The following COL14A1 variants were observed in gnomAD, a reference collection of about 807,000 sequenced individuals.
The protein encoded by COL14A1 is collagen alpha-1(XIV) chain.
COL14A1 carries 136 observed loss-of-function variants against 230.3 expected under a neutral mutation model. The observed-to-expected ratio is 0.59, with a 90% CI of 0.51 to 0.68. The LOEUF is 0.68. Ranked by LOEUF, COL14A1 falls within the 30% of genes least tolerant of loss-of-function variation. The pLI, the probability that COL14A1 is intolerant of heterozygous loss-of-function variation, is 0.00. For synonymous variants in COL14A1, 792 were observed against 784.1 expected, an observed-to-expected ratio of 1.01 and a Z score of -0.17; for missense variants, 1,976 against 2,215.8, an observed-to-expected ratio of 0.89 and a Z score of 2.17.
At chr8:120,350,522 A>G (rs1283496595) in intron 45 of COL14A1, among the ~76,000 whole-genome samples, 2 of 151,010 alleles carry the variant, frequency 1.3e-5, no homozygotes, top group Non-Finnish European at 2.9e-5. Flanking sequence ...CATAGGCTCA[A>G]AATAAAAGGA....
At chr8:120,163,561 C>T (rs935528957) in intron 4 of COL14A1, among the ~76,000 whole-genome samples, 4 of 152,082 alleles carry the variant, frequency 2.6e-5, no homozygotes, top group East Asian at 1.9e-4. Context: ...GTCAGGAGTT[C>T]GAGACCAGCC....
At chr8:120,216,598 T>C in intron 14 of COL14A1, 108 bp downstream of exon 14, 1 of 1,171,342 alleles carries the variant, frequency 8.5e-7, no homozygotes, top group Non-Finnish European at 1.2e-6. Flanking sequence ...ATAGTAATTA[T>C]TTATTGTCTC....
chr8:120,332,857 T>C, intron 42 of COL14A1, 122 bp downstream of exon 42: 2 of 688,958 alleles, frequency 2.9e-6, no homozygotes, highest in Non-Finnish European at 4.7e-6. Context: ...TCTATGGAAA[T>C]TCATAAAGGA....
At chr8:120,227,958 A>C (rs1040097704) in intron 17 of COL14A1, among the ~76,000 whole-genome samples, 2 of 152,210 alleles carry the variant, frequency 1.3e-5, no homozygotes, top group African/African-American at 4.8e-5. Flanking sequence ...TACGTAAAAA[A>C]CTGAGGACAG....
At chr8:120,248,387 C>A (rs549753161) in intron 21 of COL14A1, among the ~76,000 whole-genome samples, 135 of 152,134 alleles carry the variant, frequency 8.9e-4, no homozygotes, top group Admixed American at 3.9e-3. Flanking sequence ...GACCGTATGC[C>A]CCAGCACCTC....
rs180802134 is a variant in COL14A1, at chr8:120,168,871, T to C, written c.436+624T>C. 5.5e-4 allele frequency among the ~76,000 whole-genome samples: 83 copies of C among 152,264 alleles called. 1 individual carries two copies. Among genetic ancestry groups the C allele is most frequent in the Non-Finnish European group, 9.7e-4 (66 of 68,016 alleles). ...GATTAGTCCCCCCAACCCCGTTTTTTTTGAGGCAGGATCTCACTCTGTCAC... is the reference window on the plus strand; with the variant it reads ...GATTAGTCCCCCCAACCCCGTTTTTCTTGAGGCAGGATCTCACTCTGTCAC... On this transcript the variant is annotated intron_variant, in intron 5 of 47. Coordinates refer to ENST00000297848, the MANE Select transcript of COL14A1 (RefSeq NM_021110.4).
chr8:120,305,543 T>A (rs1820833608), intron 36 of COL14A1, among the ~76,000 whole-genome samples: 2 of 152,138 alleles, frequency 1.3e-5, no homozygotes, highest in Admixed American at 6.5e-5. Context: ...ATTTTAGATA[T>A]TTCTCTTTAA....
intron 18 of COL14A1, among the ~76,000 whole-genome samples, chr8:120,229,089 T>TTTTTC (rs1554611479): frequency 4.9e-4 from 68 of 137,438 alleles, no homozygotes; most frequent in South Asian, 1.2e-3. Context: ...TTTTTTTTTC[T>TTTTTC]TTTTATTTTA....
intron 26 of COL14A1, among the ~76,000 whole-genome samples, chr8:120,275,400 C>T (rs1398732466): frequency 1.3e-5 from 2 of 151,756 alleles, no homozygotes; most frequent in East Asian, 3.9e-4. Flanking sequence ...AGGAGATAAC[C>T]TGCGAAAAAC....
chr8:120,348,682 A>T (rs929302390), intron 45 of COL14A1, among the ~76,000 whole-genome samples: 1 of 152,166 alleles, frequency 6.6e-6, no homozygotes, highest in Non-Finnish European at 1.5e-5. Flanking sequence ...ATGGAAAAAA[A>T]TTTTGTTTTT....
intron 45 of COL14A1, among the ~76,000 whole-genome samples, chr8:120,356,370 T>C (rs556886099): frequency 6.6e-6 from 1 of 152,374 alleles, no homozygotes; most frequent in East Asian, 1.9e-4. Flanking sequence ...CAGATATGTA[T>C]GATTCCAGAA....
intron 1 of COL14A1, among the ~76,000 whole-genome samples, chr8:120,132,130 G>A (rs1814551715): frequency 6.6e-6 from 1 of 152,074 alleles, no homozygotes; most frequent in Admixed American, 6.5e-5. Flanking sequence ...TTACAGGCAT[G>A]AGCCACTGTG....
At chr8:120,148,849 C>T (rs1312799595) in intron 2 of COL14A1, among the ~76,000 whole-genome samples, 1 of 152,188 alleles carries the variant, frequency 6.6e-6, no homozygotes, top group Non-Finnish European at 1.5e-5. Context: ...GATTTCCATT[C>T]ATTTTTATAA....
chr8:120,301,646 A>G (rs934553205), intron 36 of COL14A1, among the ~76,000 whole-genome samples: 1 of 152,164 alleles, frequency 6.6e-6, no homozygotes, highest in Non-Finnish European at 1.5e-5. Flanking sequence ...GCTATTGTGA[A>G]TAGTGCTACA....
chr8:120,231,524 G>A lies in COL14A1; in HGVS notation c.2255G>A (p.Arg752Gln), dbSNP rs761443499. The change falls in exon 19 of 48, where the codon CGG becomes CAG. Residue 752 changes from arginine (R) to glutamine (Q), a missense_variant. By Grantham distance (43) the Arg-to-Gln change is conservative (BLOSUM62 1). Transcript: ENST00000297848. ...GGTGATGAAACTACTTCTAGCCTGC[G>A]GGTAAAATGGGACATTTCTGACAGC... is the stretch of plus-strand genomic sequence containing the variant. Reference protein sequence around the residue: ...VVGDETTSSLRVKWDISDSDV... With the variant: ...VVGDETTSSLQVKWDISDSDV... The A allele has an allele frequency of 1.5e-5, 25 of 1,613,846 alleles. No individual in the cohort carries two copies. Among genetic ancestry groups the A allele is most frequent in the South Asian group, 2.2e-5 (2 of 91,056 alleles).
At chr8:120,248,917 CTTTTT>C (rs71571673) in intron 21 of COL14A1, among the ~76,000 whole-genome samples, 12,602 of 82,428 alleles carry the variant, frequency 0.15, 257 homozygotes, top group Non-Finnish European at 0.22. Flanking sequence ...TTCAATCTTT[CTTTTT>C]TTTTTTTTTT....
intron 5 of COL14A1, among the ~76,000 whole-genome samples, chr8:120,182,529 A>G (rs918776285): frequency 6.6e-6 from 1 of 152,166 alleles, no homozygotes; most frequent in South Asian, 2.1e-4. Context: ...ATCATGTAGT[A>G]TTATATACAC....
At chr8:120,220,071 G>C (rs1817881212) in intron 14 of COL14A1, among the ~76,000 whole-genome samples, 1 of 151,950 alleles carries the variant, frequency 6.6e-6, no homozygotes, top group South Asian at 2.1e-4. Context: ...ATCTTTTACT[G>C]AAGTGAAGTA....
chr8:120,297,381 C>G (rs554691445), intron 34 of COL14A1, 130 bp from the exon 35 acceptor site: 1 of 427,920 alleles, frequency 2.3e-6, no homozygotes, highest in Non-Finnish European at 3.9e-6. Flanking sequence ...GTTGGAGTTA[C>G]TTTTTAATTT....
Sources: allele counts gnomAD v4.1 joint callset (sites outside exome capture counted in the v4.1 genomes callset), GRCh38; gene constraint gnomAD v4.1.1; transcripts MANE v1.5; gene names NCBI Gene and HGNC (gene_info 2026-07-23, HGNC 2026-07-21).